RAB3B: variants seen among roughly 807,000 people sequenced by gnomAD.
RAB3B encodes the protein RAB3B, member RAS oncogene family.
In RAB3B, 11 loss-of-function variants were observed where a neutral mutation model predicts 20.5. That is an observed-to-expected ratio of 0.54 (90% CI 0.34 to 0.89). The LOEUF (loss-of-function observed/expected upper bound fraction) is 0.89. RAB3B is among the 40% of genes least tolerant of loss of function. The probability of loss-of-function intolerance (pLI) is 0.02; values close to 1 mark genes in which losing one functional copy is unlikely to be tolerated. For missense variants in RAB3B, 225 were observed against 280.9 expected, an observed-to-expected ratio of 0.80 and a Z score of 1.42; for synonymous variants, 99 against 106.3, an observed-to-expected ratio of 0.93 and a Z score of 0.42.
chr1:51,925,097 G>A (rs1053173738), intron 4 of RAB3B, among the ~76,000 whole-genome samples: 6 of 152,058 alleles, frequency 3.9e-5, no homozygotes, highest in Non-Finnish European at 5.9e-5. Context: ...TTCTGAATAC[G>A]ACCTCAGAAT....
At chr1:51,921,868 C>T (rs1053129525) in intron 4 of RAB3B, among the ~76,000 whole-genome samples, 1 of 152,244 alleles carries the variant, frequency 6.6e-6, no homozygotes, top group Non-Finnish European at 1.5e-5. Context: ...TCTCTTTCCC[C>T]CCTCCCTCTT....
At chr1:51,940,893 A>C (rs933389498) in intron 2 of RAB3B, among the ~76,000 whole-genome samples, 1 of 152,090 alleles carries the variant, frequency 6.6e-6, no homozygotes, top group Non-Finnish European at 1.5e-5. Context: ...AGGGGAAAAA[A>C]GTATGTGAGT....
chr1:51,989,103 G>GCGCGCGCACACACACACACACA (rs377673682), intron 1 of RAB3B, among the ~76,000 whole-genome samples: 3 of 132,676 alleles, frequency 2.3e-5, no homozygotes, highest in Non-Finnish European at 3.2e-5. Flanking sequence ...CTGTGCGCGC[G>GCGCGCGCACACACACACACACA]CACACACACA....
chr1:51,974,415 TG>T (rs983535726), intron 2 of RAB3B, among the ~76,000 whole-genome samples: 13 of 152,268 alleles, frequency 8.5e-5, no homozygotes, highest in African/African-American at 2.9e-4. Flanking sequence ...AGTTCTGAGG[TG>T]GGCCTGAAAA....
At chr1:51,962,571 G>T (rs1684798519) in intron 2 of RAB3B, among the ~76,000 whole-genome samples, 1 of 151,976 alleles carries the variant, frequency 6.6e-6, no homozygotes, top group African/African-American at 2.4e-5. Flanking sequence ...GTCAATTATG[G>T]CAAGAAGCCC....
intron 2 of RAB3B, among the ~76,000 whole-genome samples, chr1:51,946,382 T>G (rs918197203): frequency 6.6e-6 from 1 of 152,194 alleles, no homozygotes; most frequent in Non-Finnish European, 1.5e-5. Flanking sequence ...CTGAGGAACA[T>G]TGATTCTCCT....
intron 2 of RAB3B, among the ~76,000 whole-genome samples, chr1:51,972,942 G>A (rs1684957562): frequency 6.6e-6 from 1 of 152,096 alleles, no homozygotes; most frequent in South Asian, 2.1e-4. Flanking sequence ...TTAATTTTTA[G>A]ATAGCCTTTA....
intron 2 of RAB3B, among the ~76,000 whole-genome samples, chr1:51,970,130 A>G (rs898209752): frequency 6.6e-6 from 1 of 152,020 alleles, no homozygotes; most frequent in Non-Finnish European, 1.5e-5. Context: ...AACAAAAACT[A>G]GAATCCAGGA....
At chr1:51,976,201 C>T (rs1685006891) in intron 2 of RAB3B, among the ~76,000 whole-genome samples, 1 of 150,466 alleles carries the variant, frequency 6.6e-6, no homozygotes, top group African/African-American at 2.4e-5. Flanking sequence ...AGTCTCGCTC[C>T]GTTGCACAGG....
intron 4 of RAB3B, among the ~76,000 whole-genome samples, chr1:51,924,832 A>G (rs1684222805): frequency 1.3e-5 from 2 of 152,130 alleles, no homozygotes; most frequent in African/African-American, 4.8e-5. Flanking sequence ...CCTTTTCTTC[A>G]GGTTCATTAA....
At chr1:51,938,517 A>G (rs1684441723) in intron 2 of RAB3B, among the ~76,000 whole-genome samples, 1 of 40,832 alleles carries the variant, frequency 2.4e-5, no homozygotes, top group African/African-American at 4.8e-5. Flanking sequence ...TCATGTATGT[A>G]AGAATATTTA....
rs146360005 is a variant in RAB3B, at chr1:51,931,574, G to A, written c.472+1744C>T. Reference sequence around the variant, plus strand: ...ACCAAAACATATTTTTGCATCCTCCGTGCCCGGCCATATGCTAGGCACAGT... The same window carrying A: ...ACCAAAACATATTTTTGCATCCTCCATGCCCGGCCATATGCTAGGCACAGT... On this transcript the variant is annotated intron_variant, in intron 4 of 4. Coordinates refer to ENST00000371655, the MANE Select transcript of RAB3B (RefSeq NM_002867.4). Among the ~76,000 whole-genome samples, 943 of 152,150 alleles carry A rather than the reference G, an allele frequency of 6.2e-3. 27 individuals carry two copies. The South Asian group carries it at 0.093, about 15-fold the overall frequency.
rs1411991892 is a variant in RAB3B, at chr1:51,919,000, G to A, written c.*927C>T. 11 of 144,506 alleles carry A rather than the reference G, an allele frequency of 7.6e-5. No individual in the cohort carries two copies. Among genetic ancestry groups the A allele is most frequent in the East Asian group, 2.0e-4 (1 of 5,120 alleles). The allele number at this position is 144,506 out of a possible 1,614,324, so 9.0% of individuals were successfully genotyped here. On this transcript the variant is annotated 3_prime_UTR_variant, in exon 5 of 5. Transcript: ENST00000371655. ...TTTTTTTTTTTTTTTTTTTTGAGAC[G>A]GAGTCTCGCTCTGTCGCCCAGGCCG...
chr1:51,984,481 C>G (rs1244144279), intron 1 of RAB3B, among the ~76,000 whole-genome samples: 1 of 147,330 alleles, frequency 6.8e-6, no homozygotes, highest in South Asian at 2.2e-4. Flanking sequence ...ACCTCCAACT[C>G]CTGGGTTCAA....
chr1:51,929,475 G>A (rs1030720406), intron 4 of RAB3B, among the ~76,000 whole-genome samples: 1 of 151,864 alleles, frequency 6.6e-6, no homozygotes, highest in Non-Finnish European at 1.5e-5. Flanking sequence ...CTACATGCTC[G>A]GCTAATTTTT....
intron 1 of RAB3B, among the ~76,000 whole-genome samples, chr1:51,987,129 A>G (rs1351790954): frequency 2.0e-5 from 3 of 152,196 alleles, no homozygotes; most frequent in Admixed American, 1.3e-4. Flanking sequence ...TTTCAGTCTG[A>G]TAGGCGGCAG....
chr1:51,929,147 GAGA>G (rs138000715), intron 4 of RAB3B, among the ~76,000 whole-genome samples: 2,087 of 152,312 alleles, frequency 0.014, 37 homozygotes, highest in African/African-American at 0.047. Flanking sequence ...GGTTGGGAGA[GAGA>G]AGGTCTCTTT....
At chr1:51,976,021 G>GCT in intron 2 of RAB3B, among the ~76,000 whole-genome samples, 1 of 151,770 alleles carries the variant, frequency 6.6e-6, no homozygotes, top group Admixed American at 6.6e-5. Context: ...TCCAGCTCCA[G>GCT]TGTATGTTTC....
intron 1 of RAB3B, among the ~76,000 whole-genome samples, chr1:51,989,257 T>TGTGTGTGTGTGTGTGTG (rs1557980860): frequency 4.2e-5 from 6 of 143,390 alleles, no homozygotes; most frequent in African/African-American, 1.5e-4. Flanking sequence ...TGTGTGTGTG[T>TGTGTGTGTGTGTGTGTG]TTTGAGGGCC....
Sources: allele counts gnomAD v4.1 joint callset (sites outside exome capture counted in the v4.1 genomes callset), GRCh38; gene constraint gnomAD v4.1.1; transcripts MANE v1.5; gene names NCBI Gene and HGNC (gene_info 2026-07-23, HGNC 2026-07-21).